Variants in TPST1 observed in about 807,000 individuals in gnomAD.
The protein encoded by TPST1 is protein-tyrosine sulfotransferase 1.
In TPST1, 20 loss-of-function variants were observed where a neutral mutation model predicts 34.8. The observed-to-expected ratio is 0.57, with a 90% CI of 0.40 to 0.84. TPST1 has a LOEUF of 0.84. Among genes scored for constraint, TPST1 ranks in the 40% least tolerant of loss-of-function variants. The probability of loss-of-function intolerance (pLI) is 0.00; values close to 1 mark genes in which losing one functional copy is unlikely to be tolerated. For missense variants in TPST1, 353 were observed against 455.5 expected (o/e 0.78, Z 2.05); for synonymous variants, 152 against 159.4 (o/e 0.95, Z 0.35).
chr7:66,239,711 A>G (rs1244647370), intron 1 of TPST1, among the ~76,000 whole-genome samples: 1 of 152,204 alleles, frequency 6.6e-6, no homozygotes, highest in Non-Finnish European at 1.5e-5. Context: ...TGACTCACTG[A>G]TAGAAATAGT....
chr7:66,351,299 T>C (rs575459859), intron 3 of TPST1, among the ~76,000 whole-genome samples: 90 of 152,342 alleles, frequency 5.9e-4, no homozygotes, highest in Admixed American at 5.6e-3. Context: ...TACTGTATAG[T>C]GTATCATTAT....
chr7:66,299,478 T>C (rs191498384), intron 3 of TPST1, among the ~76,000 whole-genome samples: 1 of 152,220 alleles, frequency 6.6e-6, no homozygotes, highest in Admixed American at 6.5e-5. Flanking sequence ...GACATTCTTA[T>C]GAATGTAATT....
chr7:66,206,474 A>G (rs1335307562), intron 1 of TPST1, among the ~76,000 whole-genome samples: 1 of 152,184 alleles, frequency 6.6e-6, no homozygotes, highest in Non-Finnish European at 1.5e-5. Context: ...GAAGAATGGT[A>G]TGGGAGATGG....
At chr7:66,352,688 A>G (rs1438247881) in intron 4 of TPST1, 133 bp downstream of exon 4, 2 of 1,507,082 alleles carry the variant, frequency 1.3e-6, no homozygotes, top group East Asian at 5.0e-5. Context: ...AGGGATAGTG[A>G]TATGTGCTGG....
intron 1 of TPST1, among the ~76,000 whole-genome samples, chr7:66,235,184 ATTTTTTT>A (rs767189278): frequency 7.7e-6 from 1 of 129,826 alleles, no homozygotes; most frequent in Admixed American, 8.0e-5. Flanking sequence ...TTCTGCATAG[ATTTTTTT>A]TTTTTTTTTT....
intron 3 of TPST1, among the ~76,000 whole-genome samples, chr7:66,303,561 C>T (rs536172936): frequency 5.2e-4 from 79 of 152,166 alleles, no homozygotes; most frequent in African/African-American, 1.8e-3. Context: ...AGGTGCATGC[C>T]ACCATGCCTG....
intron 3 of TPST1, among the ~76,000 whole-genome samples, chr7:66,329,216 A>C (rs1379894387): frequency 6.6e-6 from 1 of 152,038 alleles, no homozygotes; most frequent in African/African-American, 2.4e-5. Flanking sequence ...CTCCTGGCCC[A>C]CAAATGACAT....
chr7:66,236,881 A>C (rs1789922672), intron 1 of TPST1, among the ~76,000 whole-genome samples: 1 of 152,316 alleles, frequency 6.6e-6, no homozygotes, highest in South Asian at 2.1e-4. Context: ...CTTAGTGATC[A>C]GTGGTCACCC....
At chr7:66,264,961 A>C (rs1293025695) in intron 2 of TPST1, among the ~76,000 whole-genome samples, 2 of 152,202 alleles carry the variant, frequency 1.3e-5, no homozygotes, top group African/African-American at 2.4e-5. Flanking sequence ...GTGTCTCACC[A>C]ATTGAGAATA....
intron 3 of TPST1, among the ~76,000 whole-genome samples, chr7:66,331,667 G>A (rs549766994): frequency 7.2e-5 from 11 of 152,230 alleles, no homozygotes; most frequent in African/African-American, 2.6e-4. Flanking sequence ...TCCTTATGTA[G>A]GGTATAGAAC....
chr7:66,254,710 G>T (rs189645941), intron 2 of TPST1, among the ~76,000 whole-genome samples: 181 of 152,288 alleles, frequency 1.2e-3, no homozygotes, highest in Non-Finnish European at 1.4e-3. Flanking sequence ...AGCCAGATAT[G>T]TGTATTGTTT....
intron 3 of TPST1, among the ~76,000 whole-genome samples, chr7:66,319,251 T>C (rs540443389): frequency 2.0e-5 from 3 of 152,326 alleles, no homozygotes; most frequent in African/African-American, 4.8e-5. Context: ...AACTCTTTCA[T>C]GTTTTCTGCC....
chr7:66,239,414 ATCTG>A (rs1204154599), intron 1 of TPST1, among the ~76,000 whole-genome samples: 1 of 152,262 alleles, frequency 6.6e-6, no homozygotes, highest in African/African-American at 2.4e-5. Context: ...TTGTTTACAT[ATCTG>A]TCTGTCAAAA....
chr7:66,240,832 C>T lies in TPST1; in HGVS notation c.407C>T (p.Ser136Phe), dbSNP rs1790017149. The T allele has an allele frequency of 3.1e-6, 5 of 1,614,198 alleles. No individual in the cohort carries two copies. In the South Asian group the frequency reaches 5.5e-5, roughly 18 times the overall value. ...GGTGTTACTGATGAAGTGCTGGATT[C>T]TGCCATGCAAGCCTTCTTACTAGAA... ...EAGVTDEVLD[S>F]AMQAFLLEII... Residue 136 changes from serine to phenylalanine, a missense_variant, in exon 2 of 6, where the codon TCT (serine) becomes TTT (phenylalanine). Physicochemically the swap from Ser to Phe is radical, Grantham distance 155. Coordinates refer to ENST00000304842, the MANE Select transcript of TPST1 (RefSeq NM_003596.4).
At chr7:66,203,939 G>A (rs182778760), upstream of TPST1, among the ~76,000 whole-genome samples, 2 of 152,262 alleles carry the variant, frequency 1.3e-5, no homozygotes, top group Admixed American at 6.5e-5. Context: ...CACTTTGGGA[G>A]GCCAAGGCAG....
At chr7:66,342,849 C>G (rs1792266921) in intron 3 of TPST1, among the ~76,000 whole-genome samples, 1 of 152,144 alleles carries the variant, frequency 6.6e-6, no homozygotes, top group South Asian at 2.1e-4. Flanking sequence ...GGATCTGGCC[C>G]CATGACCCAA....
At chr7:66,296,256 C>G (rs1210419804) in intron 3 of TPST1, among the ~76,000 whole-genome samples, 7 of 41,448 alleles carry the variant, frequency 1.7e-4, no homozygotes, top group Non-Finnish European at 2.8e-4. Flanking sequence ...TTCCCCCCCC[C>G]CTCCCCCACC....
chr7:66,203,466 T>C (rs1789056228), upstream of TPST1, among the ~76,000 whole-genome samples: 3 of 149,666 alleles, frequency 2.0e-5, no homozygotes, highest in Non-Finnish European at 1.5e-5. Context: ...AAAGATCAAA[T>C]GAGGTCCACA....
intron 1 of TPST1, 108 bp from the exon 2 acceptor site, chr7:66,240,217 C>T: frequency 1.6e-6 from 1 of 643,736 alleles, no homozygotes; most frequent in East Asian, 3.0e-5. Flanking sequence ...TCAAAGAATC[C>T]AAGACTGTTT....
Sources: gnomAD v4.1 joint callset for allele counts (sites outside exome capture counted in the v4.1 genomes callset) on GRCh38, gnomAD v4.1.1 for gene constraint, MANE v1.5 for transcripts, NCBI Gene and HGNC (gene_info 2026-07-23, HGNC 2026-07-21) for gene names.